ESYT2: variants seen among roughly 807,000 people sequenced by gnomAD.
ESYT2 encodes extended synaptotagmin-2.
A neutral mutation model predicts 107.2 loss-of-function variants in ESYT2; 54 were observed. The observed-to-expected ratio is 0.50, with a 90% CI of 0.40 to 0.63. The LOEUF is 0.63. Ranked by LOEUF, ESYT2 falls within the 30% of genes least tolerant of loss-of-function variation. ESYT2 has a pLI of 0.00. For synonymous variants in ESYT2, 491 were observed against 434.1 expected, an observed-to-expected ratio of 1.13 and a Z score of -1.63; for missense variants, 1,020 against 1,094.5, an observed-to-expected ratio of 0.93 and a Z score of 0.96.
chr7:158,765,736 A>C (rs1462145765), intron 8 of ESYT2, among the ~76,000 whole-genome samples: 1 of 152,068 alleles, frequency 6.6e-6, no homozygotes, highest in African/African-American at 2.4e-5. Context: ...ACCCTGTCTC[A>C]AAATAAATAA....
chr7:158,829,459 T>A lies in ESYT2; in HGVS notation c.-41A>T. The A allele has an allele frequency of 8.3e-7, 1 of 1,201,196 alleles. No homozygotes were observed. The highest frequency in any genetic ancestry group is 1.0e-6 in the Non-Finnish European group (1 of 970,102). The allele number at this position is 1,201,196 out of a possible 1,614,324, so 74.4% of individuals were successfully genotyped here. On this transcript the variant is annotated 5_prime_UTR_variant, in exon 1 of 23. Coordinates refer to ENST00000275418, the MANE Select transcript of ESYT2 (RefSeq NM_001367773.1). ...CGCTGCCCTCCCGGCCGAGGCGGGC[T>A]GGGTGCTCGCGCTGATCCCGGGCGG...
intron 17 of ESYT2, 119 bp from the exon 18 acceptor site, chr7:158,742,015 ATT>A (rs372419399): frequency 9.0e-6 from 11 of 1,218,976 alleles, no homozygotes; most frequent in Middle Eastern, 2.5e-4. Context: ...TCAAAAAAAA[ATT>A]TTTTTTTAAA....
intron 6 of ESYT2, among the ~76,000 whole-genome samples, chr7:158,779,758 C>T (rs1838707253): frequency 1.3e-5 from 2 of 152,224 alleles, no homozygotes; most frequent in South Asian, 4.1e-4. Flanking sequence ...TTCTAAGTCT[C>T]TCTACGTGGA....
At chr7:158,783,957 A>G (rs1431624445) in intron 6 of ESYT2, among the ~76,000 whole-genome samples, 1 of 152,190 alleles carries the variant, frequency 6.6e-6, no homozygotes. Flanking sequence ...GAGGTCCCTT[A>G]AGGACATGGT....
At chr7:158,823,583 C>G (rs1026170411) in intron 1 of ESYT2, among the ~76,000 whole-genome samples, 1 of 152,054 alleles carries the variant, frequency 6.6e-6, no homozygotes, top group African/African-American at 2.4e-5. Flanking sequence ...GCCTTGGCCT[C>G]CCAAAGAGCA....
chr7:158,743,748 C>T (rs748058892), intron 16 of ESYT2, 70 bp from the exon 17 acceptor site: 13 of 1,485,672 alleles, frequency 8.8e-6, no homozygotes, highest in East Asian at 5.2e-5. Context: ...ACGTTGTCTA[C>T]GCTCCTGACC....
chr7:158,738,949 C>T (rs1224767425), intron 19 of ESYT2, 74 bp downstream of exon 19: 14 of 1,358,828 alleles, frequency 1.0e-5, no homozygotes, highest in African/African-American at 4.3e-5. Context: ...ATCCTAAAGG[C>T]GGTGTCTACA....
chr7:158,767,669 C>T lies in ESYT2; in HGVS notation c.909G>A (p.Arg303=), dbSNP rs1183692588. The T allele has an allele frequency of 3.7e-6, 6 of 1,611,822 alleles. No homozygotes were observed. The highest frequency in any genetic ancestry group is 5.1e-6 in the Non-Finnish European group (6 of 1,178,882). The stretch of plus-strand genomic sequence containing the variant: ...ACACGCTTACCTTTGGTACAGGAAA[C>T]CGCAACTGAGCTATTTGAACTTCAC... ...LVSEVQIAQL[R]FPVPKGVLRI... The change falls in exon 8 of 23, where the codon CGG becomes CGA. Residue 303 remains arginine, a synonymous_variant. Transcript: ENST00000275418.
chr7:158,794,932 T>C (rs1281582112), intron 3 of ESYT2, among the ~76,000 whole-genome samples: 1 of 152,208 alleles, frequency 6.6e-6, no homozygotes, highest in African/African-American at 2.4e-5. Context: ...TCCCAGGCTT[T>C]TTCTTTATGG....
At chr7:158,815,454 CTGA>C (rs59495907) in intron 1 of ESYT2, among the ~76,000 whole-genome samples, 16,361 of 152,078 alleles carry the variant, frequency 0.11, 1,330 homozygotes, top group East Asian at 0.43. Context: ...AGCTATTCCC[CTGA>C]CATTCAGGCA....
chr7:158,761,926 G>A (rs1268527279), intron 10 of ESYT2, among the ~76,000 whole-genome samples: 1 of 152,114 alleles, frequency 6.6e-6, no homozygotes, highest in Non-Finnish European at 1.5e-5. Flanking sequence ...CGTCCTCTTG[G>A]AACGTCTTAT....
chr7:158,823,366 G>A lies in ESYT2; in HGVS notation c.330+5723C>T, dbSNP rs185730509. ...TTTAGAGACGGACTGTGGCTCTGTC[G>A]CCCAGGCTGGAGTGCAGTGGTGCGA... On this transcript the variant is annotated intron_variant, in intron 1 of 22. Coordinates refer to ENST00000275418, the MANE Select transcript of ESYT2 (RefSeq NM_001367773.1). 4.7e-3 allele frequency among the ~76,000 whole-genome samples: 626 copies of A among 131,802 alleles called. 40 individuals are homozygous for A. The East Asian group carries it at 0.13, about 27-fold the overall frequency. The allele number at this position is 131,802 out of a possible 152,430, so 86.5% of individuals were successfully genotyped here. A position where few individuals can be genotyped will look rare whatever the true frequency, so the allele number is the denominator to read the frequency against.
intron 7 of ESYT2, among the ~76,000 whole-genome samples, chr7:158,771,989 C>T (rs921907884): frequency 1.1e-4 from 17 of 151,802 alleles, no homozygotes; most frequent in Non-Finnish European, 2.1e-4. Flanking sequence ...GGTGTGGTGG[C>T]GCGCACCTGT....
intron 1 of ESYT2, among the ~76,000 whole-genome samples, chr7:158,826,162 C>T (rs1840434630): frequency 6.6e-6 from 1 of 152,140 alleles, no homozygotes; most frequent in Non-Finnish European, 1.5e-5. Context: ...AGGCACACTT[C>T]GAGACCATGC....
chr7:158,780,785 A>G (rs1192019934), intron 6 of ESYT2, among the ~76,000 whole-genome samples: 1 of 152,226 alleles, frequency 6.6e-6, no homozygotes, highest in Non-Finnish European at 1.5e-5. Flanking sequence ...TGAATGCAAG[A>G]AAGAAGGCAC....
intron 18 of ESYT2, 59 bp from the exon 19 acceptor site, chr7:158,739,180 A>C (rs1171281208): frequency 1.1e-5 from 16 of 1,417,218 alleles, no homozygotes; most frequent in Non-Finnish European, 1.6e-5. Context: ...GTTGTGATTC[A>C]TTGGTCCACT....
At chr7:158,788,500 G>T in intron 4 of ESYT2, 83 bp from the exon 5 acceptor site, 1 of 1,177,674 alleles carries the variant, frequency 8.5e-7, no homozygotes, top group Non-Finnish European at 1.2e-6. Context: ...TGTATAATCT[G>T]AATAAAATGA....
Position 158,788,332 on chromosome 7 carries a change from A to C in ESYT2, c.657+13T>G, listed in dbSNP as rs200372404. The C allele has an allele frequency of 4.4e-6, 7 of 1,594,106 alleles. No individual in the cohort carries two copies. Among genetic ancestry groups the C allele is most frequent in the African/African-American group, 1.4e-5 (1 of 73,590 alleles). ...AAAACTGTCAAATTAAAACAAAAAA[A>C]CAAAAAACTTACCTGGATACTTTTC... On this transcript the variant is annotated intron_variant, in intron 5 of 22. Transcript: ENST00000275418.
intron 6 of ESYT2, among the ~76,000 whole-genome samples, chr7:158,783,441 G>A (rs1274915049): frequency 1.3e-5 from 2 of 152,122 alleles, no homozygotes; most frequent in South Asian, 2.1e-4. Flanking sequence ...ACAAACTCAG[G>A]GCTCCCACCT....
Sources: gnomAD v4.1 joint callset for allele counts (sites outside exome capture counted in the v4.1 genomes callset) on GRCh38, gnomAD v4.1.1 for gene constraint, MANE v1.5 for transcripts, NCBI Gene and HGNC (gene_info 2026-07-23, HGNC 2026-07-21) for gene names.